The following CPXM2 variants were observed in gnomAD, a reference collection of about 807,000 sequenced individuals.
CPXM2 encodes inactive carboxypeptidase-like protein X2.
In CPXM2, 66 loss-of-function variants were observed where a neutral mutation model predicts 86.1. The ratio of observed to expected loss-of-function variants is 0.77; its 90% CI spans 0.63 to 0.94. CPXM2 has a LOEUF of 0.94. CPXM2 is among the 40% of genes least tolerant of loss of function. CPXM2 has a pLI of 0.00. For synonymous variants in CPXM2, 388 were observed against 400.2 expected (o/e 0.97, Z 0.36); for missense variants, 948 against 1,026.3 (o/e 0.92, Z 1.04).
At chr10:123,878,292 CTCTCTT>C (rs1295559538) in intron 2 of CPXM2, among the ~76,000 whole-genome samples, 1 of 121,800 alleles carries the variant, frequency 8.2e-6, no homozygotes. Flanking sequence ...CCCTTTTTTT[CTCTCTT>C]TTTTTTTTTT....
chr10:123,834,564 C>T (rs899666140), intron 4 of CPXM2, among the ~76,000 whole-genome samples: 1 of 152,146 alleles, frequency 6.6e-6, no homozygotes, highest in Non-Finnish European at 1.5e-5. Flanking sequence ...CAGCAGCAGG[C>T]CTGGTGTGTT....
Position 123,746,674 on chromosome 10 carries a change from G to A in CPXM2, c.*90C>T. 1.6e-6 allele frequency: 2 copies of A among 1,266,696 alleles called. No individual in the cohort carries two copies. The highest frequency in any genetic ancestry group is 2.2e-6 in the Non-Finnish European group (2 of 898,104). 78.5% of individuals were successfully genotyped at this position (1,266,696 alleles called of 1,614,324 possible). ...TCCAGGCACTTCTTGAATTACAGAGGAAACAACAGTGAGTGAGTCCACTAT... is the reference window on the plus strand; with the variant it reads ...TCCAGGCACTTCTTGAATTACAGAGAAAACAACAGTGAGTGAGTCCACTAT... On this transcript the variant is annotated 3_prime_UTR_variant, in exon 14 of 14. Transcript: ENST00000241305.
chr10:123,760,610 G>A (rs994104107), intron 11 of CPXM2, among the ~76,000 whole-genome samples: 3 of 152,136 alleles, frequency 2.0e-5, no homozygotes, highest in African/African-American at 2.4e-5. Flanking sequence ...CAGTGAAACC[G>A]ACAATAAGGA....
At chr10:123,805,886 T>C (rs1847568532) in intron 4 of CPXM2, among the ~76,000 whole-genome samples, 1 of 152,232 alleles carries the variant, frequency 6.6e-6, no homozygotes, top group South Asian at 2.1e-4. Flanking sequence ...ATTCAAATGA[T>C]AATTTCTACT....
chr10:123,897,428 T>G (rs908399454), intron 2 of CPXM2, among the ~76,000 whole-genome samples: 1 of 152,168 alleles, frequency 6.6e-6, no homozygotes, highest in African/African-American at 2.4e-5. Flanking sequence ...TAACAAATGA[T>G]CGAGTCAGTT....
intron 4 of CPXM2, among the ~76,000 whole-genome samples, chr10:123,814,964 G>A (rs1325495773): frequency 6.6e-6 from 1 of 152,182 alleles, no homozygotes; most frequent in Admixed American, 6.5e-5. Flanking sequence ...GGTGGAGGTT[G>A]CAGTGATCCA....
chr10:123,748,794 A>T (rs540548918), intron 13 of CPXM2, among the ~76,000 whole-genome samples: 1 of 151,896 alleles, frequency 6.6e-6, no homozygotes, highest in Non-Finnish European at 1.5e-5. Flanking sequence ...GTCTTTGGAG[A>T]TCTCCCTCAG....
At chr10:123,931,877 A>G (rs781626968) in intron 2 of CPXM2, among the ~76,000 whole-genome samples, 5 of 152,238 alleles carry the variant, frequency 3.3e-5, no homozygotes, top group Admixed American at 6.5e-5. Flanking sequence ...CATGCGAGGA[A>G]TGTCAGGCAG....
chr10:123,880,135 CA>C (rs1376171419), intron 2 of CPXM2, 75 bp downstream of exon 2: 2 of 641,726 alleles, frequency 3.1e-6, no homozygotes, highest in Non-Finnish European at 5.7e-6. Flanking sequence ...GCTGCTGCAC[CA>C]GGGGCCTGTA....
intron 2 of CPXM2, among the ~76,000 whole-genome samples, chr10:123,920,517 T>G (rs1945571299): frequency 6.6e-6 from 1 of 152,224 alleles, no homozygotes; most frequent in African/African-American, 2.4e-5. Flanking sequence ...CCAAAAATAC[T>G]ATGCATAGAG....
intron 4 of CPXM2, among the ~76,000 whole-genome samples, chr10:123,804,315 T>G (rs551553415): frequency 2.0e-5 from 3 of 152,322 alleles, no homozygotes; most frequent in African/African-American, 7.2e-5. Flanking sequence ...TGGGTTAATA[T>G]TGAATATATA....
chr10:123,839,275 C>T (rs1848337740), intron 4 of CPXM2, among the ~76,000 whole-genome samples: 1 of 152,312 alleles, frequency 6.6e-6, no homozygotes, highest in South Asian at 2.1e-4. Context: ...AAGCCCTGAG[C>T]CATCCAGCTC....
chr10:123,816,120 T>C (rs541816906), intron 4 of CPXM2, among the ~76,000 whole-genome samples: 3 of 151,856 alleles, frequency 2.0e-5, no homozygotes, highest in African/African-American at 7.2e-5. Context: ...GATGGTGGAG[T>C]GGATTAGTCA....
chr10:123,802,638 T>G (rs572074276), intron 4 of CPXM2, among the ~76,000 whole-genome samples: 13 of 152,352 alleles, frequency 8.5e-5, no homozygotes, highest in African/African-American at 2.9e-4. Flanking sequence ...TTAGTGAATT[T>G]ATACAAAATT....
chr10:123,883,131 C>T (rs1945120707), intron 1 of CPXM2, among the ~76,000 whole-genome samples: 1 of 152,204 alleles, frequency 6.6e-6, no homozygotes, highest in Non-Finnish European at 1.5e-5. Context: ...TGGGACTCAG[C>T]TCTGGGACTC....
intron 1 of CPXM2, chr10:123,887,119 C>G (rs1172121287): frequency 6.6e-6 from 1 of 152,202 alleles, no homozygotes; most frequent in African/African-American, 2.4e-5. Context: ...TTGTCAAGTT[C>G]ATATGAGGAA....
intron 2 of CPXM2, among the ~76,000 whole-genome samples, chr10:123,910,726 A>G (rs900396201): frequency 2.0e-5 from 3 of 152,222 alleles, no homozygotes; most frequent in Non-Finnish European, 4.4e-5. Flanking sequence ...CTGGGGCTGC[A>G]GTAACAATGC....
intron 6 of CPXM2, among the ~76,000 whole-genome samples, chr10:123,797,312 C>G (rs2134065494): frequency 6.6e-6 from 1 of 152,302 alleles, no homozygotes; most frequent in African/African-American, 2.4e-5. Flanking sequence ...ATGGTATCTG[C>G]CAATGACAGA....
chr10:123,796,158 G>A (rs1847331422), intron 6 of CPXM2, among the ~76,000 whole-genome samples: 1 of 152,242 alleles, frequency 6.6e-6, no homozygotes, highest in Admixed American at 6.5e-5. Context: ...CACAGAAGGA[G>A]GCCCACATCC....
Sources: gnomAD v4.1 joint callset for allele counts (sites outside exome capture counted in the v4.1 genomes callset) on GRCh38, gnomAD v4.1.1 for gene constraint, MANE v1.5 for transcripts, NCBI Gene and HGNC (gene_info 2026-07-23, HGNC 2026-07-21) for gene names.